The following GNAQ variants were observed in gnomAD, a reference collection of about 807,000 sequenced individuals.
GNAQ encodes guanine nucleotide-binding protein G(q) subunit alpha.
A neutral mutation model predicts 43.9 loss-of-function variants in GNAQ; 8 were observed. That is an observed-to-expected ratio of 0.18 (90% CI 0.11 to 0.33). GNAQ has a LOEUF of 0.33. Ranked by LOEUF, GNAQ falls within the 10% of genes least tolerant of loss-of-function variation. GNAQ has a pLI of 1.00. For synonymous variants in GNAQ, 155 were observed against 170.7 expected (o/e 0.91, Z 0.71); for missense variants, 158 against 450.8 (o/e 0.35, Z 5.88).
At chr9:77,877,234 T>C (rs1180056036) in intron 2 of GNAQ, among the ~76,000 whole-genome samples, 2 of 152,240 alleles carry the variant, frequency 1.3e-5, no homozygotes, top group African/African-American at 4.8e-5. Flanking sequence ...AAATATTCTG[T>C]ACTCATATAA....
chr9:77,895,769 G>A (rs776603871), intron 2 of GNAQ, among the ~76,000 whole-genome samples: 3 of 152,172 alleles, frequency 2.0e-5, no homozygotes, highest in Non-Finnish European at 4.4e-5. Context: ...ACTGAATTAT[G>A]AGGATGGATC....
At chr9:77,729,680 G>T (rs563665472) in intron 5 of GNAQ, among the ~76,000 whole-genome samples, 1 of 152,130 alleles carries the variant, frequency 6.6e-6, no homozygotes, top group African/African-American at 2.4e-5. Context: ...AGGATGTATG[G>T]GCATGCTTCA....
intron 1 of GNAQ, among the ~76,000 whole-genome samples, chr9:77,929,398 C>T (rs191086147): frequency 2.7e-4 from 41 of 152,310 alleles, no homozygotes; most frequent in South Asian, 1.2e-3. Flanking sequence ...TGTCCTCATA[C>T]ACTAAACATT....
intron 1 of GNAQ, among the ~76,000 whole-genome samples, chr9:77,999,735 G>C (rs549988932): frequency 6.6e-6 from 1 of 152,132 alleles, no homozygotes; most frequent in Non-Finnish European, 1.5e-5. Context: ...GATTAACAAA[G>C]AAATGATTTG....
intron 5 of GNAQ, among the ~76,000 whole-genome samples, chr9:77,747,185 T>A (rs1422065831): frequency 6.6e-6 from 1 of 152,094 alleles, no homozygotes; most frequent in African/African-American, 2.4e-5. Context: ...AATGAACATA[T>A]ATTACCTTAG....
intron 2 of GNAQ, among the ~76,000 whole-genome samples, chr9:77,892,819 T>TA (rs923867088): frequency 6.6e-6 from 1 of 152,178 alleles, no homozygotes; most frequent in African/African-American, 2.4e-5. Flanking sequence ...AAATAATACA[T>TA]ACTTTGAAAA....
At chr9:77,740,362 G>C (rs1042588620) in intron 5 of GNAQ, among the ~76,000 whole-genome samples, 1 of 152,062 alleles carries the variant, frequency 6.6e-6, no homozygotes, top group Non-Finnish European at 1.5e-5. Context: ...TCTTCCCTTT[G>C]TCTACCCACC....
intron 1 of GNAQ, among the ~76,000 whole-genome samples, chr9:78,028,716 A>T (rs558585272): frequency 6.6e-6 from 1 of 152,334 alleles, no homozygotes; most frequent in East Asian, 1.9e-4. Context: ...AAGGAACCAG[A>T]ACATTCAGTG....
chr9:77,832,585 T>C (rs1194221026), intron 2 of GNAQ, among the ~76,000 whole-genome samples: 3 of 152,312 alleles, frequency 2.0e-5, no homozygotes, highest in Non-Finnish European at 1.5e-5. Context: ...AACATGACCT[T>C]GGTAGTACTC....
intron 1 of GNAQ, among the ~76,000 whole-genome samples, chr9:78,017,424 T>C (rs1823853151): frequency 6.6e-6 from 1 of 152,214 alleles, no homozygotes; most frequent in Non-Finnish European, 1.5e-5. Flanking sequence ...CAAGACATCC[T>C]ACATATTACT....
intron 1 of GNAQ, among the ~76,000 whole-genome samples, chr9:78,030,323 TTATC>T (rs1351253416): frequency 1.3e-5 from 2 of 152,240 alleles, no homozygotes; most frequent in Non-Finnish European, 2.9e-5. Flanking sequence ...ACCCTCATCT[TTATC>T]TAGAAGGAAT....
At chr9:77,827,304 T>C (rs547969945) in intron 2 of GNAQ, among the ~76,000 whole-genome samples, 4 of 149,294 alleles carry the variant, frequency 2.7e-5, no homozygotes, top group African/African-American at 9.9e-5. Context: ...TGAATTCTGA[T>C]GAGCTTCCCA....
At chr9:77,881,983 C>T (rs1211045272) in intron 2 of GNAQ, among the ~76,000 whole-genome samples, 2 of 152,004 alleles carry the variant, frequency 1.3e-5, no homozygotes, top group Non-Finnish European at 2.9e-5. Context: ...ACTAAAAGTA[C>T]AAAAATCAGC....
chr9:77,815,543 G>A, intron 3 of GNAQ, 73 bp downstream of exon 3: 1 of 950,208 alleles, frequency 1.1e-6, no homozygotes, highest in South Asian at 1.6e-5. Flanking sequence ...GAATAAAGAA[G>A]TTATGATAAT....
intron 5 of GNAQ, among the ~76,000 whole-genome samples, chr9:77,766,888 G>A (rs1442277816): frequency 6.6e-6 from 1 of 152,132 alleles, no homozygotes; most frequent in Non-Finnish European, 1.5e-5. Flanking sequence ...GAAAGGTATG[G>A]CTGTCCTTAG....
At chr9:77,834,034 T>C (rs1827343567) in intron 2 of GNAQ, among the ~76,000 whole-genome samples, 1 of 152,222 alleles carries the variant, frequency 6.6e-6, no homozygotes, top group Admixed American at 6.5e-5. Flanking sequence ...AAATTGGGTA[T>C]TGTGTACCAA....
At chr9:77,787,335 G>C (rs923970315) in intron 5 of GNAQ, among the ~76,000 whole-genome samples, 3 of 152,220 alleles carry the variant, frequency 2.0e-5, no homozygotes, top group Admixed American at 2.0e-4. Context: ...AGGCATCAAT[G>C]GTCTTGGCAA....
At chr9:78,002,010 G>C (rs185098180) in intron 1 of GNAQ, among the ~76,000 whole-genome samples, 1 of 152,150 alleles carries the variant, frequency 6.6e-6, no homozygotes, top group Non-Finnish European at 1.5e-5. Flanking sequence ...AAGTAAAAAG[G>C]TTGTAAATTT....
In GNAQ at chr9:77,788,060, C is replaced by T. The variant is rs574774156; in HGVS notation, c.735+6403G>A. Among the ~76,000 whole-genome samples the T allele has an allele frequency of 1.1e-4, 17 of 152,152 alleles. No individual in the cohort carries two copies. In the South Asian group the frequency reaches 3.5e-3, roughly 32 times the overall value. On this transcript the variant is annotated intron_variant, in intron 5 of 6. Transcript: ENST00000286548. Reference sequence around the variant, plus strand: ...AAACAAAACAAGACAAAACAAAACACACCCAAAACCCTTCTGCAAAATAAA... The same window carrying T: ...AAACAAAACAAGACAAAACAAAACATACCCAAAACCCTTCTGCAAAATAAA...
Sources: gnomAD v4.1 joint callset for allele counts (sites outside exome capture counted in the v4.1 genomes callset) on GRCh38, gnomAD v4.1.1 for gene constraint, MANE v1.5 for transcripts, NCBI Gene and HGNC (gene_info 2026-07-23, HGNC 2026-07-21) for gene names.